Variants in SLC24A2 observed in about 807,000 individuals in gnomAD.
The protein encoded by SLC24A2 is sodium/potassium/calcium exchanger 2.
A neutral mutation model predicts 62.0 loss-of-function variants in SLC24A2; 36 were observed. The observed-to-expected ratio is 0.58, with a 90% confidence interval of 0.44 to 0.77. SLC24A2 has a LOEUF of 0.77. SLC24A2 is among the 30% of genes least tolerant of loss of function. The pLI, the probability that SLC24A2 is intolerant of heterozygous loss-of-function variation, is 0.00. For synonymous variants in SLC24A2, 358 were observed against 294.0 expected, an observed-to-expected ratio of 1.22 and a Z score of -2.23; for missense variants, 846 against 817.9, an observed-to-expected ratio of 1.03 and a Z score of -0.42.
rs541690736 is a variant in SLC24A2 at position 19,739,175 on chromosome 9, C to CA, written c.930+46761dup. On this transcript the variant is annotated intron_variant, in intron 2 of 10. Coordinates refer to ENST00000341998, the MANE Select transcript of SLC24A2 (RefSeq NM_020344.4). ...TAATCAAAAATGTGCATGACTGCTA[C>CA]AAAAAACTACATTATTTACAGAAAA... Among the ~76,000 whole-genome samples the CA allele has an allele frequency of 1.8e-3, 270 of 152,200 alleles. 2 individuals are homozygous for CA. Among genetic ancestry groups the CA allele is most frequent in the African/African-American group, 6.2e-3 (259 of 41,530 alleles).
the SLC24A2 span, among the ~76,000 whole-genome samples, chr9:19,854,640 T>A: frequency 6.6e-6 from 1 of 152,230 alleles, no homozygotes; most frequent in Admixed American, 6.5e-5. Flanking sequence ...TCTAATTTTA[T>A]TGTGCTGTGG....
chr9:20,217,830 A>C, the SLC24A2 span, among the ~76,000 whole-genome samples: 1 of 152,144 alleles, frequency 6.6e-6, no homozygotes, highest in Non-Finnish European at 1.5e-5. Flanking sequence ...TTCTGCCTAT[A>C]TTCCTGATCC....
upstream of SLC24A2, among the ~76,000 whole-genome samples, chr9:19,790,014 A>T (rs1587331844): frequency 6.6e-6 from 1 of 152,084 alleles, no homozygotes; most frequent in East Asian, 1.9e-4. Context: ...CCTACTCATC[A>T]ATAAGTAAAG....
chr9:19,649,484 G>T (rs1384007022), intron 2 of SLC24A2, among the ~76,000 whole-genome samples: 1 of 152,106 alleles, frequency 6.6e-6, no homozygotes, highest in African/African-American at 2.4e-5. Context: ...GTGGGGGTAG[G>T]GGGTTGGTGA....
chr9:19,525,391 C>CTTTTTTTTTTTTTTTTTTT (rs572919824), intron 9 of SLC24A2, among the ~76,000 whole-genome samples: 3 of 76,374 alleles, frequency 3.9e-5, no homozygotes, highest in Non-Finnish European at 4.7e-5. Context: ...TATTTCTTTA[C>CTTTTTTTTTTTTTTTTTTT]TTTTTTTTTT....
the SLC24A2 span, among the ~76,000 whole-genome samples, chr9:20,023,988 T>C: frequency 3.9e-5 from 6 of 152,202 alleles, no homozygotes; most frequent in East Asian, 9.6e-4. Context: ...AAGATAGAGC[T>C]GGTTAATCTA....
At chr9:19,813,764 C>A in the SLC24A2 span, among the ~76,000 whole-genome samples, 8 of 152,062 alleles carry the variant, frequency 5.3e-5, no homozygotes, top group Non-Finnish European at 2.9e-5. Flanking sequence ...AAGGTGCAGA[C>A]CCCCTGAATG....
chr9:19,690,248 TCTGA>T (rs1425680133), intron 2 of SLC24A2, among the ~76,000 whole-genome samples: 1 of 152,094 alleles, frequency 6.6e-6, no homozygotes, highest in East Asian at 1.9e-4. Flanking sequence ...TCTGGAGAGC[TCTGA>T]CTAATACACC....
the SLC24A2 span, among the ~76,000 whole-genome samples, chr9:20,045,088 G>A: frequency 6.6e-6 from 1 of 152,064 alleles, no homozygotes; most frequent in Non-Finnish European, 1.5e-5. Flanking sequence ...TATCAATTTA[G>A]GTGCTTTAAA....
the SLC24A2 span, among the ~76,000 whole-genome samples, chr9:19,952,808 G>A: frequency 6.6e-6 from 1 of 151,638 alleles, no homozygotes; most frequent in East Asian, 1.9e-4. Context: ...GAAAGAATTT[G>A]TATAAGACTA....
chr9:19,733,870 T>C lies in SLC24A2; in HGVS notation c.930+52067A>G, dbSNP rs1214532360. On this transcript the variant is annotated intron_variant, in intron 2 of 10. Transcript: ENST00000341998. ...AACTCCCGTACTTTTGAAGCTTATATTCTAATGCTACAGATGGGCAAAAAC... is the reference window on the plus strand; with the variant it reads ...AACTCCCGTACTTTTGAAGCTTATACTCTAATGCTACAGATGGGCAAAAAC... Among the ~76,000 whole-genome samples the C allele has an allele frequency of 3.3e-5, 5 of 152,150 alleles. No homozygotes were observed. In the East Asian group the frequency reaches 9.6e-4, roughly 29 times the overall value.
the SLC24A2 span, among the ~76,000 whole-genome samples, chr9:20,302,049 T>C: frequency 6.6e-6 from 1 of 152,214 alleles, no homozygotes; most frequent in African/African-American, 2.4e-5. Context: ...GCATTTAAGT[T>C]TCCTCATGGC....
the SLC24A2 span, among the ~76,000 whole-genome samples, chr9:19,907,937 C>A: frequency 1.2e-4 from 18 of 152,216 alleles, no homozygotes; most frequent in Admixed American, 9.2e-4. Flanking sequence ...TCAATGCCAT[C>A]CCCATCAAGC....
the SLC24A2 span, among the ~76,000 whole-genome samples, chr9:20,043,445 G>T: frequency 6.6e-6 from 1 of 152,196 alleles, no homozygotes; most frequent in African/African-American, 2.4e-5. Context: ...CTCTCTGATG[G>T]ATCTGGACAA....
At chr9:20,307,483 T>C in the SLC24A2 span, among the ~76,000 whole-genome samples, 9 of 152,334 alleles carry the variant, frequency 5.9e-5, no homozygotes, top group African/African-American at 2.2e-4. Flanking sequence ...AACAACCCTC[T>C]AATATAACCA....
chr9:19,894,414 T>G, the SLC24A2 span, among the ~76,000 whole-genome samples: 1 of 152,226 alleles, frequency 6.6e-6, no homozygotes, highest in Non-Finnish European at 1.5e-5. Context: ...CATCCATATG[T>G]TATCATTGTT....
At chr9:19,759,554 A>G (rs866675275) in intron 2 of SLC24A2, among the ~76,000 whole-genome samples, 58 of 152,364 alleles carry the variant, frequency 3.8e-4, no homozygotes, top group African/African-American at 1.4e-3. Context: ...GGACACTTGC[A>G]CTTGAATGAT....
At chr9:19,523,682 C>T (rs961122307) in intron 9 of SLC24A2, among the ~76,000 whole-genome samples, 6 of 152,190 alleles carry the variant, frequency 3.9e-5, no homozygotes, top group South Asian at 4.2e-4. Flanking sequence ...AGGCTGGTCT[C>T]GAACTCCTGA....
chr9:19,592,511 T>TACCTACCTACCTACCTACCTACCC (rs1836587803), intron 5 of SLC24A2, among the ~76,000 whole-genome samples: 2 of 150,424 alleles, frequency 1.3e-5, no homozygotes, highest in African/African-American at 4.9e-5. Context: ...CCTACCTACC[T>TACCTACCTACCTACCTACCTACCC]ACCTACCTAC....
Sources: allele counts gnomAD v4.1 joint callset (sites outside exome capture counted in the v4.1 genomes callset), GRCh38; gene constraint gnomAD v4.1.1; transcripts MANE v1.5; gene names NCBI Gene and HGNC (gene_info 2026-07-23, HGNC 2026-07-21).